Variants in ARB2A observed in about 807,000 individuals in gnomAD.
The protein encoded by ARB2A is cotranscriptional regulator ARB2A.
the ARB2A span, among the ~76,000 whole-genome samples, chr5:93,895,577 T>C: frequency 7.9e-5 from 12 of 152,292 alleles, no homozygotes; most frequent in East Asian, 1.9e-4. Flanking sequence ...AAAGACATGA[T>C]AGCACAAAAT....
At chr5:93,912,227 C>T in the ARB2A span, among the ~76,000 whole-genome samples, 362 of 151,826 alleles carry the variant, frequency 2.4e-3, no homozygotes, top group African/African-American at 8.3e-3. Context: ...GTTCTTCACA[C>T]TCTGCAGTAA....
chr5:93,852,735 T>C, the ARB2A span, among the ~76,000 whole-genome samples: 1 of 152,176 alleles, frequency 6.6e-6, no homozygotes, highest in South Asian at 2.1e-4. Flanking sequence ...TGCTTGTTTT[T>C]CTCAGGTTTG....
the ARB2A span, among the ~76,000 whole-genome samples, chr5:93,952,135 T>G: frequency 1.3e-5 from 2 of 152,200 alleles, no homozygotes; most frequent in South Asian, 4.1e-4. Context: ...ACAGTATTGT[T>G]AAAATGTACA....
chr5:93,977,855 T>C, the ARB2A span, among the ~76,000 whole-genome samples: 1 of 152,082 alleles, frequency 6.6e-6, no homozygotes. Context: ...GAAATTATTT[T>C]AAAACTATGC....
chr5:93,903,469 G>T, the ARB2A span, among the ~76,000 whole-genome samples: 2 of 151,942 alleles, frequency 1.3e-5, no homozygotes, highest in East Asian at 3.9e-4. Context: ...AACTCATGCA[G>T]GACAGAAAAC....
chr5:93,814,598 GA>G, the ARB2A span, among the ~76,000 whole-genome samples: 15 of 152,072 alleles, frequency 9.9e-5, no homozygotes, highest in Non-Finnish European at 2.1e-4. Context: ...TTAACATAAT[GA>G]CCTCTTCGCT....
chr5:93,852,856 A>G, the ARB2A span, among the ~76,000 whole-genome samples: 1 of 152,154 alleles, frequency 6.6e-6, no homozygotes, highest in Non-Finnish European at 1.5e-5. Flanking sequence ...TGGTTACTGT[A>G]GCCTTGTAGT....
the ARB2A span, chr5:93,619,032 T>C: frequency 2.6e-5 from 4 of 152,208 alleles, no homozygotes; most frequent in Admixed American, 6.5e-5. Context: ...CACAACACAA[T>C]TTATAATACC....
chr5:93,623,255 CA>C, the ARB2A span, among the ~76,000 whole-genome samples: 6,887 of 123,348 alleles, frequency 0.056, 323 homozygotes, highest in African/African-American at 0.15. Flanking sequence ...TACAATAAGC[CA>C]AAAAAAAAAA....
At chr5:93,811,481 A>C in the ARB2A span, among the ~76,000 whole-genome samples, 2 of 152,182 alleles carry the variant, frequency 1.3e-5, no homozygotes, top group African/African-American at 4.8e-5. Context: ...AAATCATCAT[A>C]TAACTCAACA....
the ARB2A span, chr5:93,964,387 G>A: frequency 3.4e-6 from 4 of 1,169,344 alleles, no homozygotes; most frequent in Non-Finnish European, 2.4e-6. Flanking sequence ...GTTTTCTTCT[G>A]AATTAAAAAC....
the ARB2A span, among the ~76,000 whole-genome samples, chr5:93,705,651 G>GTA: frequency 0.018 from 2,422 of 132,716 alleles, 40 homozygotes; most frequent in South Asian, 0.044. Flanking sequence ...GTGTGTGTGT[G>GTA]TATATATATA....
the ARB2A span, chr5:93,781,839 A>G: frequency 2.1e-6 from 2 of 967,786 alleles, no homozygotes; most frequent in Non-Finnish European, 2.5e-6. Flanking sequence ...TAATTTAAAC[A>G]TACTTAAACA....
chr5:94,044,290 T>A, the ARB2A span, among the ~76,000 whole-genome samples: 1 of 152,338 alleles, frequency 6.6e-6, no homozygotes, highest in African/African-American at 2.4e-5. Context: ...ATATTGCTGT[T>A]GTACTCTTTG....
chr5:94,045,263 C>T, the ARB2A span, among the ~76,000 whole-genome samples: 2 of 151,920 alleles, frequency 1.3e-5, no homozygotes, highest in South Asian at 2.1e-4. Flanking sequence ...GCCCTCAGGG[C>T]TGCTGTGTTT....
At chr5:93,829,050 T>C in the ARB2A span, among the ~76,000 whole-genome samples, 1 of 152,154 alleles carries the variant, frequency 6.6e-6, no homozygotes, top group Non-Finnish European at 1.5e-5. Context: ...GTGCTGGGAT[T>C]ACAGGCATGA....
chr5:93,683,767 C>T, the ARB2A span: 1 of 1,527,540 alleles, frequency 6.5e-7, no homozygotes, highest in South Asian at 1.1e-5. Flanking sequence ...GGAGATAAAA[C>T]AACGCTGCTG....
At chr5:93,694,033 G>A in the ARB2A span, among the ~76,000 whole-genome samples, 1 of 152,064 alleles carries the variant, frequency 6.6e-6, no homozygotes, top group African/African-American at 2.4e-5. Context: ...GGCACTGATG[G>A]AATGTATCTC....
At chr5:93,641,552 C>T in the ARB2A span, among the ~76,000 whole-genome samples, 5 of 152,222 alleles carry the variant, frequency 3.3e-5, no homozygotes, top group African/African-American at 9.6e-5. Context: ...AATTTATATC[C>T]ATCAGTAGAA....
Sources: gnomAD v4.1 joint callset for allele counts (sites outside exome capture counted in the v4.1 genomes callset) on GRCh38, gnomAD v4.1.1 for gene constraint, MANE v1.5 for transcripts, NCBI Gene and HGNC (gene_info 2026-07-23, HGNC 2026-07-21) for gene names.